ADCK1: variants seen among roughly 807,000 people sequenced by gnomAD.
The protein encoded by ADCK1 is aarF domain containing kinase 1.
Under a neutral mutation model 52.3 loss-of-function variants are expected in ADCK1, and 41 were observed. The ratio of observed to expected loss-of-function variants is 0.78; its 90% CI spans 0.61 to 1.02. The LOEUF is 1.02. ADCK1 is among the 50% of genes least tolerant of loss of function. The pLI, the probability that ADCK1 is intolerant of heterozygous loss-of-function variation, is 0.00. For synonymous variants in ADCK1, 250 were observed against 274.6 expected (o/e 0.91, Z 0.89); for missense variants, 658 against 679.5 (o/e 0.97, Z 0.35).
intron 1 of ADCK1, among the ~76,000 whole-genome samples, chr14:77,813,929 G>A (rs1002234798): frequency 6.6e-6 from 1 of 151,058 alleles, no homozygotes; most frequent in Non-Finnish European, 1.5e-5. Context: ...CACAACACCC[G>A]GCTAACTTTT....
At chr14:77,800,623 C>T (rs2081088947) in intron 1 of ADCK1, among the ~76,000 whole-genome samples, 1 of 152,232 alleles carries the variant, frequency 6.6e-6, no homozygotes, top group East Asian at 1.9e-4. Context: ...TATCCTGGCC[C>T]TCCACCCGGT....
intron 4 of ADCK1, among the ~76,000 whole-genome samples, chr14:77,864,917 C>G (rs574763890): frequency 3.2e-4 from 48 of 152,164 alleles, no homozygotes. Context: ...CTGTTCAGAC[C>G]CTTATCTGAT....
rs2083691972 is a variant in ADCK1, at chr14:77,907,453, G to A, written c.742-350G>A. ...GAAGTAGGCCTGGTGGCGGGATGGG[G>A]AGAGGAAATATCCTTAACAGCAATG... On this transcript the variant is annotated intron_variant, in intron 6 of 10. Coordinates refer to ENST00000238561, the MANE Select transcript of ADCK1 (RefSeq NM_020421.4). 2.6e-5 allele frequency among the ~76,000 whole-genome samples: 4 copies of A among 152,246 alleles called. No individual in the cohort carries two copies. In the South Asian group the frequency reaches 6.2e-4, roughly 24 times the overall value.
chr14:77,855,319 G>T (rs1039116490), intron 3 of ADCK1, among the ~76,000 whole-genome samples: 1 of 152,212 alleles, frequency 6.6e-6, no homozygotes, highest in Admixed American at 6.5e-5. Flanking sequence ...TGTAATCTTC[G>T]TAGCAGCCCT....
intron 3 of ADCK1, among the ~76,000 whole-genome samples, chr14:77,831,125 G>A (rs112606771): frequency 2.6e-5 from 4 of 152,178 alleles, no homozygotes; most frequent in African/African-American, 9.7e-5. Context: ...AGACATGGCT[G>A]GACAAGCCTC....
chr14:77,882,499 G>A (rs1167406804), intron 4 of ADCK1, among the ~76,000 whole-genome samples: 4 of 152,226 alleles, frequency 2.6e-5, no homozygotes, highest in Non-Finnish European at 5.9e-5. Flanking sequence ...TCGGCCTGAC[G>A]TGACCGAGTA....
intron 3 of ADCK1, among the ~76,000 whole-genome samples, chr14:77,857,113 G>A (rs1024376547): frequency 2.0e-5 from 3 of 152,144 alleles, no homozygotes; most frequent in Non-Finnish European, 4.4e-5. Flanking sequence ...GGGCCCTCTG[G>A]CTGCTGGGTT....
chr14:77,919,043 T>G (rs2140281768), intron 7 of ADCK1, among the ~76,000 whole-genome samples: 1 of 152,332 alleles, frequency 6.6e-6, no homozygotes, highest in Non-Finnish European at 1.5e-5. Flanking sequence ...ACCATCTTAC[T>G]TGCCCCCTTA....
intron 3 of ADCK1, among the ~76,000 whole-genome samples, chr14:77,852,091 C>T (rs919742676): frequency 3.3e-5 from 5 of 151,954 alleles, no homozygotes; most frequent in South Asian, 2.1e-4. Flanking sequence ...CTCTGCCTCC[C>T]GGGTGCAAGT....
intron 6 of ADCK1, among the ~76,000 whole-genome samples, chr14:77,904,559 C>G (rs2083615689): frequency 6.6e-6 from 1 of 152,248 alleles, no homozygotes; most frequent in African/African-American, 2.4e-5. Context: ...TTGACCAAAG[C>G]ATAGAAACAA....
chr14:77,820,315 A>G, intron 2 of ADCK1, among the ~76,000 whole-genome samples: 1 of 151,604 alleles, frequency 6.6e-6, no homozygotes, highest in South Asian at 2.1e-4. Flanking sequence ...ATATATATAT[A>G]TATATGTATA....
At chr14:77,840,827 G>A (rs1004087974) in intron 3 of ADCK1, among the ~76,000 whole-genome samples, 11 of 147,164 alleles carry the variant, frequency 7.5e-5, no homozygotes, top group South Asian at 2.3e-4. Context: ...CAGCCTGGGC[G>A]ACAGAGTGAG....
intron 7 of ADCK1, among the ~76,000 whole-genome samples, chr14:77,916,580 G>A (rs1476778867): frequency 2.6e-5 from 4 of 152,190 alleles, no homozygotes; most frequent in African/African-American, 9.6e-5. Flanking sequence ...CCAGCCTCTG[G>A]AGTAGCTGGG....
intron 4 of ADCK1, among the ~76,000 whole-genome samples, chr14:77,880,977 A>G (rs1320957182): frequency 1.3e-5 from 2 of 152,222 alleles, no homozygotes; most frequent in Non-Finnish European, 2.9e-5. Flanking sequence ...GGCTGCCTGG[A>G]GCACTGTGTT....
chr14:77,921,333 A>AAAAAAAAAAAAAAAAG lies in ADCK1; in HGVS notation c.859-3115_859-3100dup, dbSNP rs1566736510. ...CAGAGTGAGACTCTGTCTCAAAAAA[A>AAAAAAAAAAAAAAAAG]AAAAAAAAAAAAAAAGAAAAAAAAG... On this transcript the variant is annotated intron_variant, in intron 7 of 10. Coordinates refer to ENST00000238561, the MANE Select transcript of ADCK1 (RefSeq NM_020421.4). Among the ~76,000 whole-genome samples the AAAAAAAAAAAAAAAAG allele has an allele frequency of 6.5e-4, 88 of 134,888 alleles. 3 individuals carry two copies. Among genetic ancestry groups the AAAAAAAAAAAAAAAAG allele is most frequent in the Non-Finnish European group, 1.1e-3 (72 of 66,266 alleles). 88.5% of individuals were successfully genotyped at this position (134,888 alleles called of 152,430 possible). A position where few individuals can be genotyped will look rare whatever the true frequency, so the allele number is the denominator to read the frequency against.
chr14:77,813,202 G>A (rs373304740), intron 1 of ADCK1, among the ~76,000 whole-genome samples: 1 of 151,506 alleles, frequency 6.6e-6, no homozygotes, highest in African/African-American at 2.4e-5. Context: ...GGGTTTCTCC[G>A]TGTTGGTCAG....
chr14:77,806,520 C>T (rs2081228441), intron 1 of ADCK1, among the ~76,000 whole-genome samples: 1 of 152,178 alleles, frequency 6.6e-6, no homozygotes, highest in African/African-American at 2.4e-5. Context: ...AGAGATCTAG[C>T]TCTGCCTTGC....
At chr14:77,920,244 T>C (rs992023878) in intron 7 of ADCK1, among the ~76,000 whole-genome samples, 1 of 152,228 alleles carries the variant, frequency 6.6e-6, no homozygotes, top group Non-Finnish European at 1.5e-5. Context: ...GGTCTTAGAT[T>C]TAAGTCTTTG....
At chr14:77,881,017 A>C (rs1441347942) in intron 4 of ADCK1, among the ~76,000 whole-genome samples, 1 of 152,250 alleles carries the variant, frequency 6.6e-6, no homozygotes, top group Admixed American at 6.5e-5. Context: ...TGGGATCATC[A>C]GGAATGGACT....
Sources: allele counts gnomAD v4.1 joint callset (sites outside exome capture counted in the v4.1 genomes callset), GRCh38; gene constraint gnomAD v4.1.1; transcripts MANE v1.5; gene names NCBI Gene and HGNC (gene_info 2026-07-23, HGNC 2026-07-21).